The following SPEF2 variants were observed in gnomAD, a reference collection of about 807,000 sequenced individuals.
SPEF2 encodes sperm flagella and cilia-associated protein 2.
SPEF2 carries 187 observed loss-of-function variants against 224.6 expected under a neutral mutation model. The observed-to-expected ratio is 0.83, with a 90% CI of 0.74 to 0.94. The LOEUF is 0.94. Among genes scored for constraint, SPEF2 ranks in the 40% least tolerant of loss-of-function variants. The pLI, the probability that SPEF2 is intolerant of heterozygous loss-of-function variation, is 0.00. For synonymous variants in SPEF2, 715 were observed against 707.3 expected, an observed-to-expected ratio of 1.01 and a Z score of -0.17; for missense variants, 2,170 against 2,135.6, an observed-to-expected ratio of 1.02 and a Z score of -0.32.
chr5:35,742,988 TTA>T (rs1252035384), intron 23 of SPEF2, among the ~76,000 whole-genome samples: 3 of 151,724 alleles, frequency 2.0e-5, no homozygotes, highest in African/African-American at 7.2e-5. Flanking sequence ...ATTTAAAGTA[TTA>T]TGTTACTTCA....
At chr5:35,800,721 G>A (rs187821792) in intron 34 of SPEF2, among the ~76,000 whole-genome samples, 32 of 152,308 alleles carry the variant, frequency 2.1e-4, no homozygotes, top group Admixed American at 2.0e-3. Flanking sequence ...CAGGGTGCTA[G>A]GTAATGTGCT....
At chr5:35,723,942 T>C (rs2149643357) in intron 20 of SPEF2, among the ~76,000 whole-genome samples, 1 of 152,226 alleles carries the variant, frequency 6.6e-6, no homozygotes, top group East Asian at 1.9e-4. Flanking sequence ...TGATCACGGT[T>C]CTGGTAGCGA....
intron 36 of SPEF2, among the ~76,000 whole-genome samples, 199 bp downstream of exon 36, chr5:35,807,452 C>T (rs1199144164): frequency 1.3e-5 from 2 of 152,148 alleles, no homozygotes; most frequent in Non-Finnish European, 2.9e-5. Flanking sequence ...CAAGCTCAGG[C>T]ACATTTGATA....
At chr5:35,628,622 T>C in intron 2 of SPEF2, 60 bp downstream of exon 2, 2 of 1,257,626 alleles carry the variant, frequency 1.6e-6, no homozygotes, top group Non-Finnish European at 2.3e-6. Flanking sequence ...GACAAGGTCT[T>C]GTTCTGTTAC....
At chr5:35,663,173 A>G (rs1321098141) in intron 8 of SPEF2, among the ~76,000 whole-genome samples, 1 of 152,124 alleles carries the variant, frequency 6.6e-6, no homozygotes, top group Non-Finnish European at 1.5e-5. Context: ...ACATTTATTA[A>G]CAGATTGCTC....
chr5:35,788,857 C>G (rs535182026), intron 30 of SPEF2: 1 of 702,930 alleles, frequency 1.4e-6, no homozygotes, highest in Non-Finnish European at 2.6e-6. Flanking sequence ...GCATTTATCA[C>G]TTTTATCACA....
intron 6 of SPEF2, among the ~76,000 whole-genome samples, chr5:35,654,117 T>G (rs1486324710): frequency 7.2e-6 from 1 of 139,604 alleles, no homozygotes; most frequent in African/African-American, 2.7e-5. Flanking sequence ...AAAATTAGCC[T>G]GGCGTGGTGG....
chr5:35,702,510 T>C lies in SPEF2; in HGVS notation c.2398+1758T>C, dbSNP rs531771020. Among the ~76,000 whole-genome samples the C allele has an allele frequency of 4.6e-5, 7 of 152,208 alleles. No individual in the cohort carries two copies. The South Asian group carries it at 6.2e-4, about 14-fold the overall frequency. On this transcript the variant is annotated intron_variant, in intron 16 of 36. Coordinates refer to ENST00000356031, the MANE Select transcript of SPEF2 (RefSeq NM_024867.4). ...GTGAGAGGTACAGATAGGTTTTGAGTTCAGGCATCAAATACTGACCCTTTG... is the reference window on the plus strand; with the variant it reads ...GTGAGAGGTACAGATAGGTTTTGAGCTCAGGCATCAAATACTGACCCTTTG...
intron 8 of SPEF2, among the ~76,000 whole-genome samples, chr5:35,660,891 C>G (rs1749600533): frequency 2.0e-5 from 3 of 152,070 alleles, no homozygotes; most frequent in Admixed American, 2.0e-4. Context: ...CTGCTAAAGC[C>G]TGAGAGACCT....
intron 23 of SPEF2, 86 bp from the exon 24 acceptor site, chr5:35,753,538 G>T (rs574510308): frequency 6.4e-7 from 1 of 1,573,060 alleles, no homozygotes; most frequent in Non-Finnish European, 8.7e-7. Flanking sequence ...ATTTTTAAGA[G>T]AGGCAAAGGA....
intron 30 of SPEF2, among the ~76,000 whole-genome samples, chr5:35,782,942 C>T (rs140657537): frequency 6.6e-6 from 1 of 152,138 alleles, no homozygotes; most frequent in African/African-American, 2.4e-5. Context: ...AAAATAATGA[C>T]CTTATACATG....
intron 32 of SPEF2, 44 bp from the exon 33 acceptor site, chr5:35,795,659 C>G (rs1416440839): frequency 2.6e-6 from 4 of 1,566,110 alleles, no homozygotes; most frequent in Non-Finnish European, 3.5e-6. Context: ...AACATCTCAG[C>G]AAAATACATA....
At chr5:35,684,024 A>G (rs1753210138) in intron 10 of SPEF2, 1 of 152,168 alleles carries the variant, frequency 6.6e-6, no homozygotes, top group Non-Finnish European at 1.5e-5. Flanking sequence ...CCTAATAGTC[A>G]GATGTCTATT....
chr5:35,630,292 T>C lies in SPEF2; in HGVS notation c.161+1730T>C, dbSNP rs112610791. 6.6e-3 allele frequency among the ~76,000 whole-genome samples: 1,009 copies of C among 152,256 alleles called. 8 individuals are homozygous for C. Among genetic ancestry groups the C allele is most frequent in the African/African-American group, 0.023 (958 of 41,544 alleles). On this transcript the variant is annotated intron_variant, in intron 2 of 36. Transcript: ENST00000356031. ...GCCCTCTTCTCATAGCTCCACTAGGTAGTTCCCCACTAGAGACTCTGTGTG... is the reference window on the plus strand; with the variant it reads ...GCCCTCTTCTCATAGCTCCACTAGGCAGTTCCCCACTAGAGACTCTGTGTG...
chr5:35,702,062 TGGA>T (rs2149567182), intron 16 of SPEF2: 1 of 417,512 alleles, frequency 2.4e-6, no homozygotes, highest in Non-Finnish European at 4.8e-6. Context: ...CAGCAGCTAA[TGGA>T]GAAGAAGAAA....
chr5:35,643,696 G>T (rs546446478), intron 3 of SPEF2: 2 of 360,982 alleles, frequency 5.5e-6, no homozygotes, highest in Non-Finnish European at 1.1e-5. Flanking sequence ...GAGAAGAGGT[G>T]CAGGTAATAT....
chr5:35,760,398 T>G (rs1382558098), intron 25 of SPEF2, among the ~76,000 whole-genome samples: 1 of 151,948 alleles, frequency 6.6e-6, no homozygotes, highest in Non-Finnish European at 1.5e-5. Flanking sequence ...CTAACACTTT[T>G]ATGAAAGGAC....
intron 24 of SPEF2, among the ~76,000 whole-genome samples, chr5:35,755,130 T>C (rs1469322460): frequency 1.3e-5 from 2 of 152,150 alleles, no homozygotes; most frequent in East Asian, 3.9e-4. Context: ...GAATCTGGAT[T>C]GTAAAGAGAA....
At chr5:35,783,766 T>C (rs768704572) in intron 30 of SPEF2, among the ~76,000 whole-genome samples, 8 of 152,140 alleles carry the variant, frequency 5.3e-5, no homozygotes, top group Non-Finnish European at 1.2e-4. Flanking sequence ...AAGTTCTGGG[T>C]AGGTACATCT....
Sources: allele counts gnomAD v4.1 joint callset (sites outside exome capture counted in the v4.1 genomes callset), GRCh38; gene constraint gnomAD v4.1.1; transcripts MANE v1.5; gene names NCBI Gene and HGNC (gene_info 2026-07-23, HGNC 2026-07-21).